CRACDL: variants seen among roughly 807,000 people sequenced by gnomAD.
The protein encoded by CRACDL is CRACD-like protein.
In CRACDL, 26 loss-of-function variants were observed where a neutral mutation model predicts 70.6. The ratio of observed to expected loss-of-function variants is 0.37; its 90% CI spans 0.27 to 0.51. The LOEUF is 0.51. CRACDL is among the 20% of genes least tolerant of loss of function. CRACDL has a pLI of 0.94. For synonymous variants in CRACDL, 618 were observed against 615.2 expected (o/e 1.00, Z -0.07); for missense variants, 1,283 against 1,376.9 (o/e 0.93, Z 1.08).
intron 1 of CRACDL, among the ~76,000 whole-genome samples, chr2:98,934,453 C>T (rs1573220981): frequency 6.6e-6 from 1 of 152,258 alleles, no homozygotes; most frequent in East Asian, 1.9e-4. Context: ...CCTCGGCCTC[C>T]CAAAGTGCTG....
Position 98,832,397 on chromosome 2 carries a change from G to A in CRACDL, c.491C>T (p.Pro164Leu). 2.5e-6 allele frequency: 4 copies of A among 1,614,204 alleles called. No homozygotes were observed. Among genetic ancestry groups the A allele is most frequent in the Non-Finnish European group, 3.4e-6 (4 of 1,180,032 alleles). ...SSEDDGLPRS[P>L]PEMSLLHDVG... ...GTCGTGCAGCAGAGACATCTCTGGG[G>A]GGCTCCTGGGCAGCCCGTCGTCCTC... Residue 164 changes from proline to leucine, a missense_variant, in exon 5 of 10, where the codon CCC (proline) becomes CTC (leucine). Pro to Leu is a moderately conservative substitution (Grantham distance 98, BLOSUM62 -3). Coordinates refer to ENST00000397899, the MANE Select transcript of CRACDL (RefSeq NM_207362.3).
chr2:98,817,981 T>C (rs760400482), intron 7 of CRACDL, among the ~76,000 whole-genome samples: 67 of 152,174 alleles, frequency 4.4e-4, no homozygotes, highest in Non-Finnish European at 7.4e-4. Flanking sequence ...GATTTTTTTT[T>C]CTACATACTT....
At chr2:98,827,970 C>G (rs1358814574) in intron 5 of CRACDL, among the ~76,000 whole-genome samples, 2 of 152,214 alleles carry the variant, frequency 1.3e-5, no homozygotes, top group Non-Finnish European at 2.9e-5. Context: ...TCTGTGTGCT[C>G]ATGTATCCTT....
chr2:98,843,862 A>G (rs1270993975), intron 2 of CRACDL, among the ~76,000 whole-genome samples: 2 of 152,092 alleles, frequency 1.3e-5, no homozygotes, highest in Non-Finnish European at 1.5e-5. Flanking sequence ...CTTCACATAC[A>G]TTTTCAAGTC....
At chr2:98,880,198 T>C (rs1707606759) in intron 1 of CRACDL, among the ~76,000 whole-genome samples, 1 of 152,166 alleles carries the variant, frequency 6.6e-6, no homozygotes, top group African/African-American at 2.4e-5. Context: ...TAAGGGAGCA[T>C]TTGCCTGCGT....
intron 1 of CRACDL, among the ~76,000 whole-genome samples, chr2:98,881,175 G>C (rs1203470627): frequency 6.6e-6 from 1 of 152,204 alleles, no homozygotes; most frequent in Non-Finnish European, 1.5e-5. Flanking sequence ...GTCTGTGATG[G>C]TGAGCATGGT....
In CRACDL at chr2:98,890,028, ATAGCTG is replaced by A. The variant is rs1288439470; in HGVS notation, c.-10-43224_-10-43219del. ...TAAAACAATGCTTGCAAGGATATTT[ATAGCTG>A]TAAGTGACAATGTTAAAAAAGAAGA... is the stretch of plus-strand genomic sequence containing the variant. On this transcript the variant is annotated intron_variant, in intron 1 of 9. Transcript: ENST00000397899. 2.0e-5 allele frequency among the ~76,000 whole-genome samples: 3 copies of A among 152,226 alleles called. No homozygotes were observed. In the East Asian group the frequency reaches 5.8e-4, roughly 29 times the overall value.
At chr2:98,800,491 C>T (rs559342077) in intron 7 of CRACDL, among the ~76,000 whole-genome samples, 2 of 152,138 alleles carry the variant, frequency 1.3e-5, no homozygotes, top group African/African-American at 4.8e-5. Context: ...TGTAGAGGGA[C>T]GAGAGGCTGG....
rs142222875 is a variant in CRACDL at position 98,877,939 on chromosome 2, C to T, written c.-10-31129G>A. Reference sequence around the variant, plus strand: ...ATAGTAAGGAACTATAATGTTGTACCATTTTTAATCTTTTTTTTTTTTTTT... The same window carrying T: ...ATAGTAAGGAACTATAATGTTGTACTATTTTTAATCTTTTTTTTTTTTTTT... On this transcript the variant is annotated intron_variant, in intron 1 of 9. Coordinates refer to ENST00000397899, the MANE Select transcript of CRACDL (RefSeq NM_207362.3). Among the ~76,000 whole-genome samples, 103 of 141,718 alleles carry T rather than the reference C, an allele frequency of 7.3e-4. 1 individual carries two copies. The highest frequency in any genetic ancestry group is 2.5e-3 in the African/African-American group (97 of 38,574). The allele number at this position is 141,718 out of a possible 152,430, so 93.0% of individuals were successfully genotyped here. A position where few individuals can be genotyped will look rare whatever the true frequency, so the allele number is the denominator to read the frequency against.
Position 98,823,913 on chromosome 2 carries a change from G to A in CRACDL, c.736-376C>T, listed in dbSNP as rs980352324. ...CCATTCATCCCAGTGAGGAAGGGAT[G>A]ATGAGTCCCTTTTTGCACTTGAGAG... On this transcript the variant is annotated intron_variant, in intron 6 of 9. Transcript: ENST00000397899. The surrounding 1 kb of genome is among the most constrained non-coding windows in gnomAD (Gnocchi z 4.0). Among the ~76,000 whole-genome samples, 1 of 152,206 alleles carries A rather than the reference G, an allele frequency of 6.6e-6. No individual in the cohort carries two copies. Among genetic ancestry groups the A allele is most frequent in the Non-Finnish European group, 1.5e-5 (1 of 68,042 alleles).
At chr2:98,907,637 C>T (rs190313134) in intron 1 of CRACDL, among the ~76,000 whole-genome samples, 267 of 152,300 alleles carry the variant, frequency 1.8e-3, no homozygotes, top group Non-Finnish European at 2.7e-3. Flanking sequence ...GAAGGCACTC[C>T]CAGACAGAAA....
chr2:98,833,893 G>A (rs953359918), intron 3 of CRACDL, among the ~76,000 whole-genome samples: 6 of 152,176 alleles, frequency 3.9e-5, no homozygotes, highest in African/African-American at 1.4e-4. Flanking sequence ...TCCACTGTGG[G>A]GCATTAAGGA....
At chr2:98,930,088 T>C (rs1709032123) in intron 1 of CRACDL, among the ~76,000 whole-genome samples, 1 of 152,108 alleles carries the variant, frequency 6.6e-6, no homozygotes, top group South Asian at 2.1e-4. Flanking sequence ...CACTCACTAG[T>C]GAGCCCAGAC....
intron 1 of CRACDL, among the ~76,000 whole-genome samples, chr2:98,933,461 C>T (rs935811649): frequency 1.2e-4 from 18 of 152,136 alleles, no homozygotes; most frequent in Middle Eastern, 3.2e-3. Context: ...AAAACAGAAC[C>T]ATGCACTGGG....
intron 3 of CRACDL, among the ~76,000 whole-genome samples, chr2:98,835,088 G>A (rs1462304090): frequency 3.3e-5 from 5 of 152,086 alleles, no homozygotes; most frequent in Admixed American, 3.3e-4. Flanking sequence ...AAGAAAATAA[G>A]TCATTTTGTT....
At chr2:98,798,849 G>A (rs1260078931) in intron 7 of CRACDL, among the ~76,000 whole-genome samples, 3 of 151,910 alleles carry the variant, frequency 2.0e-5, no homozygotes, top group African/African-American at 7.3e-5. Context: ...GCACCATCAC[G>A]CCCAGTGAAT....
chr2:98,903,675 T>A (rs1011532284), intron 1 of CRACDL, among the ~76,000 whole-genome samples: 3 of 152,314 alleles, frequency 2.0e-5, no homozygotes, highest in African/African-American at 7.2e-5. Flanking sequence ...GATGAAACCA[T>A]TTGCATCTGA....
At chr2:98,846,886 C>A in intron 1 of CRACDL, 76 bp from the exon 2 acceptor site, 1 of 1,231,868 alleles carries the variant, frequency 8.1e-7, no homozygotes. Flanking sequence ...GTGTTCGTGA[C>A]TGCATTTGCC....
At chr2:98,832,542 A>G (rs780756386) in intron 4 of CRACDL, 30 bp from the exon 5 acceptor site, 4 of 1,519,220 alleles carry the variant, frequency 2.6e-6, no homozygotes, top group Non-Finnish European at 3.6e-6. Flanking sequence ...ATGTGCTCTT[A>G]TTTTCATCAA....
Sources: gnomAD v4.1 joint callset for allele counts (sites outside exome capture counted in the v4.1 genomes callset) on GRCh38, gnomAD v4.1.1 for gene constraint, Gnocchi (gnomAD v3.1) non-coding constraint, MANE v1.5 for transcripts, NCBI Gene and HGNC (gene_info 2026-07-23, HGNC 2026-07-21) for gene names.